The following TMEM163 variants were observed in gnomAD, a reference collection of about 807,000 sequenced individuals.
TMEM163 encodes the protein transmembrane protein 163.
TMEM163 carries 17 observed loss-of-function variants against 29.3 expected under a neutral mutation model. The observed-to-expected ratio is 0.58, with a 90% confidence interval of 0.40 to 0.87. The LOEUF is 0.87. Among genes scored for constraint, TMEM163 ranks in the 40% least tolerant of loss-of-function variants. TMEM163 has a pLI of 0.00. For missense variants in TMEM163, 303 were observed against 381.5 expected (o/e 0.79, Z 1.71); for synonymous variants, 157 against 160.6 (o/e 0.98, Z 0.17).
intron 4 of TMEM163, among the ~76,000 whole-genome samples, chr2:134,505,680 T>C (rs1373175379): frequency 6.6e-6 from 1 of 152,190 alleles, no homozygotes; most frequent in Non-Finnish European, 1.5e-5. Flanking sequence ...AACAAATGCC[T>C]GCTTCTTTCT....
intron 5 of TMEM163, among the ~76,000 whole-genome samples, chr2:134,499,088 T>C (rs968575564): frequency 3.3e-5 from 5 of 152,188 alleles, no homozygotes; most frequent in South Asian, 4.1e-4. Flanking sequence ...AGCAAGATAC[T>C]TCTTTTAAAA....
intron 2 of TMEM163, among the ~76,000 whole-genome samples, chr2:134,699,503 C>CAA (rs113283992): frequency 1.5e-5 from 2 of 132,432 alleles, no homozygotes; most frequent in Admixed American, 7.4e-5. Flanking sequence ...GGCTCAATCT[C>CAA]AAAAAAAAAA....
chr2:134,515,649 T>C (rs186536826), intron 4 of TMEM163, among the ~76,000 whole-genome samples: 1 of 152,202 alleles, frequency 6.6e-6, no homozygotes, highest in Non-Finnish European at 1.5e-5. Flanking sequence ...CTGTGATACA[T>C]CAATTCAGTT....
intron 2 of TMEM163, among the ~76,000 whole-genome samples, chr2:134,596,629 G>A (rs1214306148): frequency 3.3e-5 from 5 of 152,214 alleles, no homozygotes. Context: ...CTTTAGAGTA[G>A]TTTTTTCCAA....
intron 7 of TMEM163, 94 bp downstream of exon 7, chr2:134,457,938 C>T: frequency 6.3e-7 from 1 of 1,579,356 alleles, no homozygotes; most frequent in African/African-American, 1.4e-5. Flanking sequence ...AAAATATGAC[C>T]TTCAGAAGCC....
At chr2:134,713,393 T>G in intron 1 of TMEM163, 74 bp from the exon 2 acceptor site, 2 of 1,596,134 alleles carry the variant, frequency 1.3e-6, no homozygotes, top group Non-Finnish European at 1.7e-6. Flanking sequence ...TACAATTTCT[T>G]ACCCAAAGAT....
intron 2 of TMEM163, among the ~76,000 whole-genome samples, chr2:134,604,228 A>G (rs187786568): frequency 6.6e-6 from 1 of 152,328 alleles, no homozygotes; most frequent in East Asian, 1.9e-4. Context: ...CGCCTGCTGC[A>G]GCACTGTTTA....
chr2:134,666,618 A>G (rs1278366589), intron 2 of TMEM163, among the ~76,000 whole-genome samples: 2 of 152,190 alleles, frequency 1.3e-5, no homozygotes, highest in East Asian at 1.9e-4. Context: ...AGGGGAAGCA[A>G]CCTTTGAGGC....
chr2:134,703,450 A>G (rs978363703), intron 2 of TMEM163, among the ~76,000 whole-genome samples: 1 of 152,190 alleles, frequency 6.6e-6, no homozygotes, highest in African/African-American at 2.4e-5. Flanking sequence ...TAAACAAAAC[A>G]GATATGAAAT....
At chr2:134,540,699 G>T (rs1307646804) in intron 4 of TMEM163, among the ~76,000 whole-genome samples, 1 of 152,164 alleles carries the variant, frequency 6.6e-6, no homozygotes, top group Admixed American at 6.6e-5. Context: ...GAGCCTTCAG[G>T]AACAAACTTT....
At chr2:134,560,241 T>C (rs888515764) in intron 2 of TMEM163, among the ~76,000 whole-genome samples, 1 of 152,198 alleles carries the variant, frequency 6.6e-6, no homozygotes, top group African/African-American at 2.4e-5. Flanking sequence ...CATTATCTTA[T>C]GTACTTATGT....
intron 2 of TMEM163, among the ~76,000 whole-genome samples, chr2:134,637,762 T>C (rs1224227726): frequency 6.6e-6 from 1 of 152,248 alleles, no homozygotes; most frequent in Non-Finnish European, 1.5e-5. Context: ...ACTTGTTTTC[T>C]CTTAAACTTT....
At chr2:134,462,299 T>TCAGCTCC (rs1392142920) in intron 6 of TMEM163, among the ~76,000 whole-genome samples, 2 of 151,952 alleles carry the variant, frequency 1.3e-5, no homozygotes, top group Admixed American at 6.6e-5. Context: ...CTCCCTCTGC[T>TCAGCTCC]CAGCTCCCAG....
At chr2:134,529,691 T>A (rs1470758063) in intron 4 of TMEM163, among the ~76,000 whole-genome samples, 1 of 151,840 alleles carries the variant, frequency 6.6e-6, no homozygotes, top group East Asian at 1.9e-4. Context: ...AGGCAGAGGC[T>A]GCAGTGAGCC....
chr2:134,583,496 C>T (rs1681743061), intron 2 of TMEM163, among the ~76,000 whole-genome samples: 1 of 152,218 alleles, frequency 6.6e-6, no homozygotes, highest in African/African-American at 2.4e-5. Flanking sequence ...AGCACCATGA[C>T]ACTTCTCACT....
At chr2:134,585,458 G>A (rs1681792549) in intron 2 of TMEM163, among the ~76,000 whole-genome samples, 1 of 152,156 alleles carries the variant, frequency 6.6e-6, no homozygotes, top group Admixed American at 6.5e-5. Context: ...AAAATACCTG[G>A]AATGGCCGAG....
At chr2:134,474,957 G>T (rs1249623071) in intron 5 of TMEM163, among the ~76,000 whole-genome samples, 1 of 152,060 alleles carries the variant, frequency 6.6e-6, no homozygotes, top group Non-Finnish European at 1.5e-5. Context: ...ATCCCAGCAG[G>T]CTTTTTTAAA....
At chr2:134,657,734 C>T (rs1379475682) in intron 2 of TMEM163, among the ~76,000 whole-genome samples, 5 of 152,072 alleles carry the variant, frequency 3.3e-5, no homozygotes, top group African/African-American at 4.8e-5. Context: ...ATCTGGGAGG[C>T]GGAGGTTGCA....
intron 2 of TMEM163, among the ~76,000 whole-genome samples, chr2:134,699,476 C>T (rs1684649861): frequency 6.6e-6 from 1 of 151,788 alleles, no homozygotes; most frequent in Admixed American, 6.6e-5. Context: ...TGCACTCCAG[C>T]CTGGGCAACA....
Sources: allele counts gnomAD v4.1 joint callset (sites outside exome capture counted in the v4.1 genomes callset), GRCh38; gene constraint gnomAD v4.1.1; transcripts MANE v1.5; gene names NCBI Gene and HGNC (gene_info 2026-07-23, HGNC 2026-07-21).